Variants in TMC5 observed in about 807,000 individuals in gnomAD.
TMC5 encodes transmembrane channel like 5.
TMC5 carries 86 observed loss-of-function variants against 110.5 expected under a neutral mutation model. The observed-to-expected ratio is 0.78, with a 90% CI of 0.65 to 0.93. The LOEUF is 0.93. Among genes scored for constraint, TMC5 ranks in the 40% least tolerant of loss-of-function variants. The pLI, the probability that TMC5 is intolerant of heterozygous loss-of-function variation, is 0.00. For synonymous variants in TMC5, 455 were observed against 439.5 expected (o/e 1.04, Z -0.44); for missense variants, 1,144 against 1,222.8 (o/e 0.94, Z 0.96).
chr16:19,419,995 A>G (rs1966948831), intron 1 of TMC5, among the ~76,000 whole-genome samples: 1 of 152,132 alleles, frequency 6.6e-6, no homozygotes, highest in South Asian at 2.1e-4. Context: ...TTCATAGGGA[A>G]AGGAATATTT....
intron 17 of TMC5, among the ~76,000 whole-genome samples, chr16:19,488,224 A>G (rs1968801051): frequency 6.6e-6 from 1 of 152,182 alleles, no homozygotes; most frequent in Admixed American, 6.5e-5. Context: ...ATGTCAAAAC[A>G]TCAGAATAAA....
Position 19,496,435 on chromosome 16 carries a change from G to T in TMC5, c.2932-686G>T, listed in dbSNP as rs567463376. On this transcript the variant is annotated intron_variant, in intron 20 of 21. Transcript: ENST00000542583. ...TGATCTTGACAGAAGTGACTGACAA[G>T]TAATTTACCATCTGTGCAAATTTAT... Among the ~76,000 whole-genome samples, 54 of 152,268 alleles carry T rather than the reference G, an allele frequency of 3.5e-4. 2 individuals are homozygous for T. In the South Asian group the frequency reaches 9.5e-3, roughly 27 times the overall value.
chr16:19,475,925 CT>C (rs896632343), intron 12 of TMC5, among the ~76,000 whole-genome samples: 15 of 147,324 alleles, frequency 1.0e-4, no homozygotes, highest in Admixed American at 1.4e-4. Flanking sequence ...TATTTATTAT[CT>C]TCCTCTCCCA....
chr16:19,436,149 C>T (rs1303225656), intron 2 of TMC5, among the ~76,000 whole-genome samples: 4 of 151,808 alleles, frequency 2.6e-5, no homozygotes, highest in African/African-American at 9.7e-5. Flanking sequence ...GTAATCCCAG[C>T]TCCTCGGGAG....
intron 2 of TMC5, among the ~76,000 whole-genome samples, chr16:19,435,912 C>T (rs1232829129): frequency 6.6e-6 from 1 of 152,144 alleles, no homozygotes; most frequent in African/African-American, 2.4e-5. Context: ...ACAATTCATT[C>T]ACTTATTCCA....
intron 20 of TMC5, among the ~76,000 whole-genome samples, chr16:19,495,513 G>T (rs1969030349): frequency 6.6e-6 from 1 of 152,050 alleles, no homozygotes; most frequent in African/African-American, 2.4e-5. Flanking sequence ...TTGGATATTT[G>T]GGTTGTTTCT....
Position 19,472,073 on chromosome 16 carries a change from T to C in TMC5, c.1783-15T>C, listed in dbSNP as rs1196633195. 2 of 1,612,956 alleles carry C rather than the reference T, an allele frequency of 1.2e-6. No homozygotes were observed. Among genetic ancestry groups the C allele is most frequent in the African/African-American group, 1.3e-5 (1 of 75,042 alleles). On this transcript the variant is annotated splice_polypyrimidine_tract_variant and intron_variant, in intron 10 of 21. Transcript: ENST00000542583. Reference sequence around the variant, plus strand: ...ACCATGCCCAGCCATAAACTTGACTTTCTTATGTTTCTAGGAGAACCTGTC... The same window carrying C: ...ACCATGCCCAGCCATAAACTTGACTCTCTTATGTTTCTAGGAGAACCTGTC...
chr16:19,447,177 G>A (rs925494278), intron 4 of TMC5, among the ~76,000 whole-genome samples: 4 of 152,138 alleles, frequency 2.6e-5, no homozygotes, highest in Non-Finnish European at 5.9e-5. Context: ...GCTGAACTAC[G>A]CTGAGTTTGT....
At chr16:19,462,425 A>G in intron 6 of TMC5, 1 of 680,184 alleles carries the variant, frequency 1.5e-6, no homozygotes, top group South Asian at 1.6e-5. Flanking sequence ...GTCTGCTCTC[A>G]CTCTGCTAAT....
chr16:19,434,233 A>AATATATAT (rs1967272198), intron 2 of TMC5, among the ~76,000 whole-genome samples: 1 of 122,688 alleles, frequency 8.2e-6, no homozygotes, highest in Non-Finnish European at 1.6e-5. Context: ...CTATATATAT[A>AATATATAT]ATATATATCT....
chr16:19,435,394 C>T lies in TMC5; in HGVS notation c.-79-4566C>T, dbSNP rs535750382. On this transcript the variant is annotated intron_variant, in intron 2 of 21. Coordinates refer to ENST00000542583, the MANE Select transcript of TMC5 (RefSeq NM_001261841.2). ...GCGGGCACCTGTAGTCCCAGCTACTCGGGAGGCTGAGGCAGAAGAATGGCG... is the reference window on the plus strand; with the variant it reads ...GCGGGCACCTGTAGTCCCAGCTACTTGGGAGGCTGAGGCAGAAGAATGGCG... Among the ~76,000 whole-genome samples the T allele has an allele frequency of 3.4e-3, 518 of 151,268 alleles. 5 individuals carry two copies. The highest frequency in any genetic ancestry group is 7.5e-3 in the South Asian group (36 of 4,772).
rs1185184413 is a variant in TMC5 at position 19,430,599 on chromosome 16, T to A, written c.-121T>A. On this transcript the variant is annotated 5_prime_UTR_variant, in exon 2 of 22. Transcript: ENST00000542583. ...AGATCAAGTTGGTTTGCACAACATT[T>A]GCATCTACTTGGGACAAAGCAAGAA... 1 of 152,438 alleles carries A rather than the reference T, an allele frequency of 6.6e-6. No homozygotes were observed. Among genetic ancestry groups the A allele is most frequent in the African/African-American group, 2.4e-5 (1 of 41,466 alleles). The allele number at this position is 152,438 out of a possible 1,614,324, so 9.4% of individuals were successfully genotyped here. A position where few individuals can be genotyped will look rare whatever the true frequency, so the allele number is the denominator to read the frequency against.
chr16:19,453,331 G>A (rs1198057710), intron 5 of TMC5, among the ~76,000 whole-genome samples: 1 of 151,952 alleles, frequency 6.6e-6, no homozygotes, highest in Non-Finnish European at 1.5e-5. Context: ...GCTCATGCTT[G>A]TAATCCCAGC....
At chr16:19,436,860 A>G (rs1385819945) in intron 2 of TMC5, among the ~76,000 whole-genome samples, 3 of 152,074 alleles carry the variant, frequency 2.0e-5, no homozygotes, top group South Asian at 2.1e-4. Context: ...TCTACTGGTG[A>G]CCACTGGCAG....
In TMC5 at chr16:19,466,197, C is replaced by A. The variant is rs755508129; in HGVS notation, c.1601C>A (p.Ala534Glu). 1 of 1,614,146 alleles carries A rather than the reference C, an allele frequency of 6.2e-7. No homozygotes were observed. Among genetic ancestry groups the A allele is most frequent in the South Asian group, 1.1e-5 (1 of 91,084 alleles). ...MQLAYIFTIGACLTTCFFSLL... is the reference protein window; with the variant it reads ...MQLAYIFTIGECLTTCFFSLL... The stretch of plus-strand genomic sequence containing the variant: ...CTGGCCTACATCTTCACAATCGGAG[C>A]ATGCTTGACCACCTGCTTCTTCAGT... The change falls in exon 9 of 22, where the codon GCA (alanine) becomes GAA (glutamate). Residue 534 changes from alanine to glutamate, a missense_variant. By Grantham distance (107) the Ala-to-Glu change is moderately radical (BLOSUM62 -1). Transcript: ENST00000542583.
rs189186983 is a variant in TMC5, at chr16:19,482,301, G to A, written c.2363+836G>A. Among the ~76,000 whole-genome samples, 373 of 152,158 alleles carry A rather than the reference G, an allele frequency of 2.5e-3. 1 individual carries two copies. Among genetic ancestry groups the A allele is most frequent in the Non-Finnish European group, 4.3e-3 (294 of 67,982 alleles). On this transcript the variant is annotated intron_variant, in intron 15 of 21. Transcript: ENST00000542583. ...TTGAACTCCTGACCTCAGGTGATCC[G>A]CCCACCTTGGTGGATCCCAAAGTGT...
chr16:19,477,849 T>C (rs767591572), intron 13 of TMC5, among the ~76,000 whole-genome samples: 4 of 152,206 alleles, frequency 2.6e-5, no homozygotes, highest in Non-Finnish European at 4.4e-5. Flanking sequence ...GCATATGCAA[T>C]AGACACTAGT....
chr16:19,461,200 G>A (rs565658298), intron 6 of TMC5, among the ~76,000 whole-genome samples: 474 of 152,276 alleles, frequency 3.1e-3, no homozygotes, highest in South Asian at 6.4e-3. Context: ...GGAAACTAGC[G>A]AGTGGTATAT....
At chr16:19,413,887 A>G (rs539415519), upstream of TMC5, among the ~76,000 whole-genome samples, 32 of 152,170 alleles carry the variant, frequency 2.1e-4, no homozygotes, top group African/African-American at 6.7e-4. Context: ...GCTTCAAATG[A>G]CTCATCTGTA....
Sources: gnomAD v4.1 joint callset for allele counts (sites outside exome capture counted in the v4.1 genomes callset) on GRCh38, gnomAD v4.1.1 for gene constraint, MANE v1.5 for transcripts, NCBI Gene and HGNC (gene_info 2026-07-23, HGNC 2026-07-21) for gene names.